The following GRM7 variants were observed in gnomAD, a reference collection of about 807,000 sequenced individuals.
GRM7 encodes metabotropic glutamate receptor 7.
GRM7 carries 35 observed loss-of-function variants against 84.5 expected under a neutral mutation model. That is an observed-to-expected ratio of 0.41 (90% CI 0.32 to 0.55). The LOEUF is 0.55. Among genes scored for constraint, GRM7 ranks in the 20% least tolerant of loss-of-function variants. The pLI is 0.19. For missense variants in GRM7, 1,003 were observed against 1,194.6 expected (o/e 0.84, Z 2.36); for synonymous variants, 487 against 455.1 (o/e 1.07, Z -0.89).
chr3:7,397,995 G>A (rs73809100), intron 4 of GRM7, among the ~76,000 whole-genome samples: 1 of 152,020 alleles, frequency 6.6e-6, no homozygotes, highest in Non-Finnish European at 1.5e-5. Flanking sequence ...TGATATAAAC[G>A]AAACACCAAC....
intron 1 of GRM7, among the ~76,000 whole-genome samples, chr3:6,946,274 A>T (rs1372570725): frequency 1.3e-5 from 2 of 152,320 alleles, no homozygotes; most frequent in East Asian, 3.9e-4. Context: ...AGCTTTCTAC[A>T]TATGGCTAGC....
rs73130277 is a variant in GRM7 at position 7,311,031 on chromosome 3, A to G, written c.1033+4379A>G. ...TATTCCACTTTGAAGCATCTGTCAC[A>G]TATAATTAGTTATTCTTTGTATATA... On this transcript the variant is annotated intron_variant, in intron 4 of 9. Coordinates refer to ENST00000357716, the MANE Select transcript of GRM7 (RefSeq NM_000844.4). Among the ~76,000 whole-genome samples, 843 of 152,302 alleles carry G rather than the reference A, an allele frequency of 5.5e-3. 5 individuals carry two copies. The highest frequency in any genetic ancestry group is 0.019 in the African/African-American group (807 of 41,556).
At chr3:7,489,314 A>T (rs537767681) in intron 7 of GRM7, among the ~76,000 whole-genome samples, 1 of 152,230 alleles carries the variant, frequency 6.6e-6, no homozygotes, top group Non-Finnish European at 1.5e-5. Flanking sequence ...CCCTCCACTG[A>T]TATCACCATA....
At chr3:7,691,008 C>T (rs1357015529) in intron 9 of GRM7, 1 of 368,232 alleles carries the variant, frequency 2.7e-6, no homozygotes, top group Non-Finnish European at 5.3e-6. Flanking sequence ...GACTCGTTTC[C>T]ATCTACTAAA....
At position 7,318,194 on chromosome 3, in the gene GRM7, A is replaced by T. The variant is rs528866506; in HGVS notation, c.1033+11542A>T. Among the ~76,000 whole-genome samples, 9 of 152,162 alleles carry T rather than the reference A, an allele frequency of 5.9e-5. No individual in the cohort carries two copies. In the East Asian group the frequency reaches 1.5e-3, roughly 26 times the overall value. On this transcript the variant is annotated intron_variant, in intron 4 of 9. Transcript: ENST00000357716. ...TTTTTCCTTTTTCAGGACATCAGCA[A>T]TTTATTTGTTTTTTTATCACAAGGA...
chr3:6,868,397 G>A (rs959266109), intron 1 of GRM7, among the ~76,000 whole-genome samples: 2 of 152,156 alleles, frequency 1.3e-5, no homozygotes, highest in African/African-American at 4.8e-5. Flanking sequence ...AGAAATATAT[G>A]TTTTATTTTA....
intron 4 of GRM7, among the ~76,000 whole-genome samples, chr3:7,323,644 G>A (rs1433906835): frequency 6.6e-6 from 1 of 152,022 alleles, no homozygotes; most frequent in Non-Finnish European, 1.5e-5. Flanking sequence ...TCTTTTCTTT[G>A]AGATATTAGA....
In GRM7 at chr3:7,118,215, G is replaced by A. The variant is rs149560417; in HGVS notation, c.520-28237G>A. Among the ~76,000 whole-genome samples, 43 of 151,972 alleles carry A rather than the reference G, an allele frequency of 2.8e-4. No individual in the cohort carries two copies. In the East Asian group the frequency reaches 8.0e-3, roughly 28 times the overall value. On this transcript the variant is annotated intron_variant, in intron 1 of 9. Transcript: ENST00000357716. ...AGCCTGGGTATCATAGTGAGACCCT[G>A]TCTCTACAAAAAATAAAAAATAAAA...
intron 7 of GRM7, among the ~76,000 whole-genome samples, chr3:7,510,218 C>T (rs1056820401): frequency 2.6e-5 from 4 of 152,130 alleles, no homozygotes; most frequent in African/African-American, 9.7e-5. Context: ...CCTATTATTA[C>T]CATCTTGGAC....
rs146619960 is a variant in GRM7, at chr3:7,399,179, C to CAATAAT, written c.1034-15814_1034-15809dup. On this transcript the variant is annotated intron_variant, in intron 4 of 9. Transcript: ENST00000357716. ...CTTCCTATTTAAAAAACAACAAGAACAATAATAATAATAATAATAATAATA... is the reference window on the plus strand; with the variant it reads ...CTTCCTATTTAAAAAACAACAAGAACAATAATAATAATAATAATAATAATAATAATA... 6.0e-3 allele frequency among the ~76,000 whole-genome samples: 880 copies of CAATAAT among 146,258 alleles called. 6 individuals carry two copies. The highest frequency in any genetic ancestry group is 0.018 in the East Asian group (90 of 4,936).
chr3:7,154,093 C>T (rs560325552), intron 2 of GRM7, among the ~76,000 whole-genome samples: 2 of 152,244 alleles, frequency 1.3e-5, no homozygotes, highest in South Asian at 4.1e-4. Flanking sequence ...GCTTTGAAAA[C>T]TTGTGTGAAT....
chr3:7,035,507 C>T lies in GRM7; in HGVS notation c.520-110945C>T, dbSNP rs184873680. On this transcript the variant is annotated intron_variant, in intron 1 of 9. Transcript: ENST00000357716. ...TTCAAGGCCTATACAAAGAGCTGCA[C>T]GTGAGGGGTGGCTATCCGAAATAAA... Among the ~76,000 whole-genome samples, 12 of 152,192 alleles carry T rather than the reference C, an allele frequency of 7.9e-5. No homozygotes were observed. In the East Asian group the frequency reaches 1.3e-3, roughly 17 times the overall value.
chr3:7,680,363 G>T, intron 9 of GRM7, 68 bp downstream of exon 9: 1 of 1,525,098 alleles, frequency 6.6e-7, no homozygotes. Context: ...TGTGGGGTGT[G>T]CTTGCCTCTC....
chr3:7,464,612 C>T (rs987758899), intron 7 of GRM7, among the ~76,000 whole-genome samples: 2 of 151,894 alleles, frequency 1.3e-5, no homozygotes, highest in Non-Finnish European at 2.9e-5. Flanking sequence ...GGGCAGATCA[C>T]GAGGTCAGGA....
At chr3:7,354,672 G>A (rs1693312684) in intron 4 of GRM7, among the ~76,000 whole-genome samples, 1 of 152,300 alleles carries the variant, frequency 6.6e-6, no homozygotes, top group African/African-American at 2.4e-5. Flanking sequence ...GAAGAAGACA[G>A]ATGGATCCTG....
At chr3:7,641,668 A>C (rs1041385551) in intron 8 of GRM7, among the ~76,000 whole-genome samples, 5 of 152,144 alleles carry the variant, frequency 3.3e-5, no homozygotes, top group African/African-American at 1.2e-4. Context: ...GCCAAGGCTA[A>C]TAATTATTGA....
intron 1 of GRM7, among the ~76,000 whole-genome samples, chr3:7,051,610 G>A (rs1697002242): frequency 6.6e-6 from 1 of 151,768 alleles, no homozygotes. Flanking sequence ...TGACTATAAA[G>A]TGTCCAAAGG....
At chr3:7,268,818 C>T (rs995214085) in intron 2 of GRM7, among the ~76,000 whole-genome samples, 1 of 152,140 alleles carries the variant, frequency 6.6e-6, no homozygotes, top group Non-Finnish European at 1.5e-5. Flanking sequence ...AGATAAATAA[C>T]TTAGTTTTGG....
chr3:7,391,072 G>A, intron 4 of GRM7, among the ~76,000 whole-genome samples: 1 of 151,130 alleles, frequency 6.6e-6, no homozygotes, highest in Non-Finnish European at 1.5e-5. Context: ...AGGTATGATT[G>A]TGGTGTATAT....
Sources: gnomAD v4.1 joint callset for allele counts (sites outside exome capture counted in the v4.1 genomes callset) on GRCh38, gnomAD v4.1.1 for gene constraint, MANE v1.5 for transcripts, NCBI Gene and HGNC (gene_info 2026-07-23, HGNC 2026-07-21) for gene names.